The following FHOD3 variants were observed in gnomAD, a reference collection of about 807,000 sequenced individuals.
FHOD3 encodes the protein FH1/FH2 domain-containing protein 3.
Under a neutral mutation model 173.0 loss-of-function variants are expected in FHOD3, and 90 were observed. That is an observed-to-expected ratio of 0.52 (90% CI 0.44 to 0.62). The LOEUF is 0.62. Among genes scored for constraint, FHOD3 ranks in the 20% least tolerant of loss-of-function variants. The pLI, the probability that FHOD3 is intolerant of heterozygous loss-of-function variation, is 0.00. For missense variants in FHOD3, 1,945 were observed against 2,034.7 expected (o/e 0.96, Z 0.85); for synonymous variants, 828 against 823.0 (o/e 1.01, Z -0.10).
intron 4 of FHOD3, among the ~76,000 whole-genome samples, chr18:36,503,257 G>C (rs2055131848): frequency 6.6e-6 from 1 of 152,186 alleles, no homozygotes; most frequent in Non-Finnish European, 1.5e-5. Flanking sequence ...CATTGAGCTT[G>C]CGTCTGTCTA....
chr18:36,753,876 T>G (rs113150926), intron 24 of FHOD3, among the ~76,000 whole-genome samples: 2,126 of 152,360 alleles, frequency 0.014, 53 homozygotes, highest in South Asian at 0.084. Flanking sequence ...TTCAAATCCT[T>G]TGTCCATTTT....
intron 5 of FHOD3, among the ~76,000 whole-genome samples, chr18:36,523,099 G>A (rs1038768293): frequency 2.0e-5 from 3 of 151,862 alleles, no homozygotes; most frequent in Admixed American, 6.6e-5. Context: ...CACTGGAGTC[G>A]TGTCTGCCAT....
chr18:36,364,060 C>T (rs1199632133), intron 2 of FHOD3, among the ~76,000 whole-genome samples: 2 of 152,118 alleles, frequency 1.3e-5, no homozygotes, highest in African/African-American at 4.8e-5. Flanking sequence ...TCTTTATGCC[C>T]TACCATCCTT....
chr18:36,593,212 G>A (rs2059285793), intron 6 of FHOD3, among the ~76,000 whole-genome samples: 1 of 152,212 alleles, frequency 6.6e-6, no homozygotes, highest in African/African-American at 2.4e-5. Context: ...TACCATGGAG[G>A]CCACTGGACA....
intron 3 of FHOD3, among the ~76,000 whole-genome samples, chr18:36,455,293 T>C (rs1476882485): frequency 6.6e-6 from 1 of 152,246 alleles, no homozygotes; most frequent in Admixed American, 6.5e-5. Context: ...TCCAGCCTTA[T>C]CAGCCTTGAT....
intron 1 of FHOD3, among the ~76,000 whole-genome samples, chr18:36,334,896 G>A (rs1407580623): frequency 6.6e-6 from 1 of 152,246 alleles, no homozygotes; most frequent in African/African-American, 2.4e-5. Flanking sequence ...ATTTATTCCT[G>A]TAAGGAGGCC....
At chr18:36,592,150 T>C (rs1442351367) in intron 6 of FHOD3, among the ~76,000 whole-genome samples, 1 of 152,000 alleles carries the variant, frequency 6.6e-6, no homozygotes, top group Non-Finnish European at 1.5e-5. Context: ...ACCTGGGAGG[T>C]GGAGGTTGCA....
At chr18:36,716,198 A>G (rs1293723572) in intron 18 of FHOD3, among the ~76,000 whole-genome samples, 1 of 151,946 alleles carries the variant, frequency 6.6e-6, no homozygotes, top group East Asian at 1.9e-4. Context: ...GGACATGACT[A>G]GAAGCAGAGA....
In FHOD3 at chr18:36,355,565, T is replaced by C; in HGVS notation, c.192T>C (p.Ser64=). Residue 64 remains serine (S), a synonymous_variant, in exon 2 of 29, where the codon TCT becomes TCC. Coordinates refer to ENST00000590592, the MANE Select transcript of FHOD3 (RefSeq NM_001281740.3). ...HKLDDCTLQL[S]HNGAYLDLEA... ...TGGATGACTGTACTCTGCAGCTCTC[T>C]CACAATGGCGCCTACCTGGATTTGG... 30 of 1,614,128 alleles carry C rather than the reference T, an allele frequency of 1.9e-5. No individual in the cohort carries two copies. Among genetic ancestry groups the C allele is most frequent in the Non-Finnish European group, 2.5e-5 (30 of 1,180,006 alleles).
At chr18:36,500,615 A>C (rs1004353512) in intron 3 of FHOD3, among the ~76,000 whole-genome samples, 2 of 152,248 alleles carry the variant, frequency 1.3e-5, no homozygotes, top group African/African-American at 4.8e-5. Context: ...ATTTTCCTGT[A>C]ATACTGTCTG....
intron 10 of FHOD3, among the ~76,000 whole-genome samples, chr18:36,638,693 C>T (rs2035065040): frequency 6.6e-6 from 1 of 152,174 alleles, no homozygotes; most frequent in South Asian, 2.1e-4. Flanking sequence ...GAAAGGAGGG[C>T]CTGAGCATTC....
chr18:36,360,609 T>C (rs191840577), intron 2 of FHOD3, among the ~76,000 whole-genome samples: 2 of 152,200 alleles, frequency 1.3e-5, no homozygotes, highest in East Asian at 3.9e-4. Context: ...GCTGGACCTG[T>C]TTAGGGGAAC....
At chr18:36,429,640 A>C (rs570605764) in intron 3 of FHOD3, among the ~76,000 whole-genome samples, 46 of 152,322 alleles carry the variant, frequency 3.0e-4, no homozygotes, top group Middle Eastern at 6.8e-3. Flanking sequence ...TCAGGAGATC[A>C]AGGTGAAAAG....
chr18:36,352,887 A>G (rs921362687), intron 1 of FHOD3, among the ~76,000 whole-genome samples: 5 of 152,224 alleles, frequency 3.3e-5, no homozygotes, highest in African/African-American at 9.6e-5. Context: ...TGAGCTGCCA[A>G]TGATTACAAC....
chr18:36,353,615 G>A (rs1022112387), intron 1 of FHOD3, among the ~76,000 whole-genome samples: 1 of 152,148 alleles, frequency 6.6e-6, no homozygotes, highest in Admixed American at 6.5e-5. Context: ...GATGAATTGA[G>A]TCACTCTTAC....
intron 9 of FHOD3, among the ~76,000 whole-genome samples, chr18:36,612,797 A>G (rs145965757): frequency 2.9e-4 from 44 of 152,352 alleles, no homozygotes; most frequent in African/African-American, 1.0e-3. Flanking sequence ...TGTAGCTCCC[A>G]TATGCACGTG....
intron 1 of FHOD3, among the ~76,000 whole-genome samples, chr18:36,306,559 A>C (rs1217892931): frequency 6.6e-6 from 1 of 152,196 alleles, no homozygotes; most frequent in Non-Finnish European, 1.5e-5. Context: ...GAGACATTTA[A>C]AAAATAAGAG....
chr18:36,762,982 G>A (rs910891504), intron 27 of FHOD3, among the ~76,000 whole-genome samples: 26 of 144,806 alleles, frequency 1.8e-4, no homozygotes, highest in Admixed American at 4.2e-4. Context: ...TATTATATAC[G>A]TTATATATGC....
intron 5 of FHOD3, among the ~76,000 whole-genome samples, chr18:36,530,982 C>G (rs188561183): frequency 3.3e-4 from 51 of 152,274 alleles, no homozygotes; most frequent in African/African-American, 1.2e-3. Context: ...CACTGGTCCC[C>G]AAGGGTCTTG....
Sources: allele counts gnomAD v4.1 joint callset (sites outside exome capture counted in the v4.1 genomes callset), GRCh38; gene constraint gnomAD v4.1.1; transcripts MANE v1.5; gene names NCBI Gene and HGNC (gene_info 2026-07-23, HGNC 2026-07-21).